The following NRG3 variants were observed in gnomAD, a reference collection of about 807,000 sequenced individuals.
NRG3 encodes the protein pro-neuregulin-3, membrane-bound isoform.
NRG3 carries 31 observed loss-of-function variants against 66.9 expected under a neutral mutation model. The observed-to-expected ratio is 0.46, with a 90% CI of 0.35 to 0.63. The LOEUF is 0.63. NRG3 is among the 20% of genes least tolerant of loss of function. NRG3 has a pLI of 0.00. For missense variants in NRG3, 910 were observed against 878.9 expected (o/e 1.04, Z -0.45); for synonymous variants, 393 against 359.4 (o/e 1.09, Z -1.06).
At chr10:81,930,335 A>G (rs920305379) in intron 1 of NRG3, among the ~76,000 whole-genome samples, 1 of 152,158 alleles carries the variant, frequency 6.6e-6, no homozygotes, top group African/African-American at 2.4e-5. Context: ...CTGAAGCTCA[A>G]AAATTCACTA....
chr10:82,236,706 A>G (rs1313026256), intron 1 of NRG3, among the ~76,000 whole-genome samples: 1 of 139,302 alleles, frequency 7.2e-6, no homozygotes, highest in East Asian at 2.1e-4. Flanking sequence ...TATGAAAACT[A>G]GAACTTTTTT....
chr10:82,047,413 T>C (rs1377238338), intron 1 of NRG3, among the ~76,000 whole-genome samples: 2 of 152,044 alleles, frequency 1.3e-5, no homozygotes, highest in African/African-American at 4.8e-5. Flanking sequence ...AGGCAGAACC[T>C]CTACAAGCCA....
chr10:82,496,460 G>A (rs917203432), intron 2 of NRG3, among the ~76,000 whole-genome samples: 1 of 152,020 alleles, frequency 6.6e-6, no homozygotes, highest in South Asian at 2.1e-4. Flanking sequence ...CATTAAAAAA[G>A]AGATAAAAGA....
At chr10:82,379,516 T>C (rs533413872) in intron 2 of NRG3, among the ~76,000 whole-genome samples, 1 of 152,232 alleles carries the variant, frequency 6.6e-6, no homozygotes, top group African/African-American at 2.4e-5. Context: ...ATAATAACAA[T>C]CCTTGCTTTA....
At chr10:82,213,304 A>G (rs1026717794) in intron 1 of NRG3, among the ~76,000 whole-genome samples, 6 of 152,222 alleles carry the variant, frequency 3.9e-5, no homozygotes, top group African/African-American at 1.4e-4. Flanking sequence ...TCAAAACTAT[A>G]AACTTTTTGA....
chr10:81,959,656 C>T (rs534673260), intron 1 of NRG3, among the ~76,000 whole-genome samples: 53 of 151,870 alleles, frequency 3.5e-4, no homozygotes, highest in Non-Finnish European at 1.9e-4. Context: ...TTCTCCAAGT[C>T]TTCCACTTTT....
intron 1 of NRG3, among the ~76,000 whole-genome samples, chr10:82,312,909 G>T (rs974958845): frequency 6.6e-6 from 1 of 152,144 alleles, no homozygotes; most frequent in Non-Finnish European, 1.5e-5. Context: ...GTCAACGGTG[G>T]CTCATGCCTG....
intron 1 of NRG3, among the ~76,000 whole-genome samples, chr10:82,243,963 T>G (rs1229219282): frequency 6.6e-6 from 1 of 152,114 alleles, no homozygotes; most frequent in Non-Finnish European, 1.5e-5. Flanking sequence ...GTTAGACTAA[T>G]TTTTTTAAAT....
At chr10:82,696,747 A>G (rs2055415439) in intron 2 of NRG3, among the ~76,000 whole-genome samples, 1 of 152,172 alleles carries the variant, frequency 6.6e-6, no homozygotes, top group African/African-American at 2.4e-5. Context: ...GAATGCTCAC[A>G]GGAGTGTGTT....
chr10:82,568,342 C>A (rs1016029420), intron 2 of NRG3, among the ~76,000 whole-genome samples: 1 of 151,904 alleles, frequency 6.6e-6, no homozygotes, highest in South Asian at 2.1e-4. Flanking sequence ...GTTTAGTTAA[C>A]TCTGTGAAAA....
At chr10:82,159,013 A>T (rs2071383381) in intron 1 of NRG3, among the ~76,000 whole-genome samples, 1 of 151,912 alleles carries the variant, frequency 6.6e-6, no homozygotes, top group Non-Finnish European at 1.5e-5. Flanking sequence ...CTTTAGCTGT[A>T]GATAGGTTTC....
chr10:82,952,471 C>CTCTCTG (rs1454945180), intron 5 of NRG3, among the ~76,000 whole-genome samples: 13 of 98,840 alleles, frequency 1.3e-4, no homozygotes, highest in Non-Finnish European at 1.7e-4. Flanking sequence ...CTCTCTCTCT[C>CTCTCTG]TGTGTGTGTG....
At chr10:82,476,999 G>A (rs866475519) in intron 2 of NRG3, among the ~76,000 whole-genome samples, 29 of 152,278 alleles carry the variant, frequency 1.9e-4, no homozygotes, top group South Asian at 1.2e-3. Context: ...TGGAAAGGAT[G>A]GATGACAAGT....
chr10:82,863,104 T>A (rs1341202330), intron 3 of NRG3, among the ~76,000 whole-genome samples: 1 of 152,228 alleles, frequency 6.6e-6, no homozygotes, highest in Non-Finnish European at 1.5e-5. Flanking sequence ...AGTGAGAACA[T>A]GTGGTGTTCA....
chr10:81,904,537 CATT>C (rs1362564323), intron 1 of NRG3, among the ~76,000 whole-genome samples: 1 of 152,068 alleles, frequency 6.6e-6, no homozygotes, highest in African/African-American at 2.4e-5. Context: ...ATTACTGTCT[CATT>C]AGTCAAATTC....
chr10:82,370,407 G>A (rs745858893), intron 2 of NRG3, among the ~76,000 whole-genome samples: 7 of 138,258 alleles, frequency 5.1e-5, no homozygotes, highest in Admixed American at 1.4e-4. Flanking sequence ...TTTCTCTGCC[G>A]CGTCGTTCTG....
chr10:82,352,414 T>A (rs1254175515), intron 1 of NRG3, among the ~76,000 whole-genome samples: 2 of 152,156 alleles, frequency 1.3e-5, no homozygotes, highest in Non-Finnish European at 2.9e-5. Context: ...TATCTGTGGC[T>A]CAAGACTATG....
At chr10:82,082,005 G>A (rs2065425680) in intron 1 of NRG3, among the ~76,000 whole-genome samples, 1 of 152,148 alleles carries the variant, frequency 6.6e-6, no homozygotes, top group Admixed American at 6.5e-5. Flanking sequence ...CCAAAAATAA[G>A]TGATAATAAA....
chr10:82,392,879 C>CAT (rs149089994), intron 2 of NRG3, among the ~76,000 whole-genome samples: 1,939 of 122,262 alleles, frequency 0.016, 19 homozygotes, highest in Non-Finnish European at 0.02. Context: ...GAGGTGAGGT[C>CAT]ATATATATAT....
Sources: gnomAD v4.1 joint callset for allele counts (sites outside exome capture counted in the v4.1 genomes callset) on GRCh38, gnomAD v4.1.1 for gene constraint, MANE v1.5 for transcripts, NCBI Gene and HGNC (gene_info 2026-07-23, HGNC 2026-07-21) for gene names.